ZNF534: variants seen among roughly 807,000 people sequenced by gnomAD.
ZNF534 encodes the protein KRAB domain only 3.
Under a neutral mutation model 13.6 loss-of-function variants are expected in ZNF534, and 19 were observed. The observed-to-expected ratio is 1.40, with a 90% CI of 0.97 to 2.05. The LOEUF is 2.05. Ranked by LOEUF, ZNF534 falls within the 30% of genes most tolerant of loss-of-function variation. The pLI, the probability that ZNF534 is intolerant of heterozygous loss-of-function variation, is 0.00. For missense variants in ZNF534, 782 were observed against 796.3 expected (o/e 0.98, Z 0.22); for synonymous variants, 244 against 273.8 (o/e 0.89, Z 1.07).
At chr19:52,433,585 C>G (rs2059106258) in intron 2 of ZNF534, among the ~76,000 whole-genome samples, 1 of 152,180 alleles carries the variant, frequency 6.6e-6, no homozygotes, top group Non-Finnish European at 1.5e-5. Flanking sequence ...CCAAGATGGT[C>G]TTGATCTCCT....
intron 4 of ZNF534, among the ~76,000 whole-genome samples, chr19:52,436,103 A>G (rs2059127420): frequency 6.6e-6 from 1 of 150,486 alleles, no homozygotes; most frequent in South Asian, 2.1e-4. Context: ...TGCCTGGCTA[A>G]TTTTTTTTGT....
chr19:52,430,845 C>CT (rs55783711), intron 1 of ZNF534, among the ~76,000 whole-genome samples: 39,094 of 144,086 alleles, frequency 0.27, 5,715 homozygotes, highest in African/African-American at 0.41. Context: ...CACACATGGC[C>CT]TTTTTTTTTT....
At chr19:52,442,751 C>T (rs972776136), downstream of ZNF534, among the ~76,000 whole-genome samples, 6 of 152,334 alleles carry the variant, frequency 3.9e-5, no homozygotes, top group East Asian at 1.2e-3. Flanking sequence ...AATAGGATGA[C>T]AGGGCTGATT....
In ZNF534 at chr19:52,439,400, C is replaced by G; in HGVS notation, c.1940C>G (p.Ser647Cys). The G allele has an allele frequency of 1.3e-6, 2 of 1,548,696 alleles. No individual in the cohort carries two copies. Among genetic ancestry groups the G allele is most frequent in the African/African-American group, 1.4e-5 (1 of 73,048 alleles). The change falls in exon 5 of 5, where the codon TCC (serine) becomes TGC (cysteine). Residue 647 changes from serine (S) to cysteine (C), a missense_variant. This residue lies in a region of ZNF534 where 60 missense variants were observed against 59.9 expected (regional missense o/e 1.00). Coordinates refer to ENST00000433050, the MANE Select transcript of ZNF534 (RefSeq NM_001143938.3). ...NECGKVFSKN[S>C]ILVQHCSIHT... ...TGTGGCAAGGTCTTTAGTAAAAATT[C>G]CATCCTAGTACAACATTGCAGTATT...
intron 2 of ZNF534, among the ~76,000 whole-genome samples, chr19:52,433,480 C>T (rs554540925): frequency 1.6e-4 from 25 of 152,194 alleles, no homozygotes; most frequent in Non-Finnish European, 3.2e-4. Context: ...CATTCTCCTG[C>T]CTCAGCCTCC....
intron 4 of ZNF534, among the ~76,000 whole-genome samples, chr19:52,449,803 C>G (rs938803065): frequency 6.6e-6 from 1 of 151,734 alleles, no homozygotes; most frequent in African/African-American, 2.4e-5. Flanking sequence ...AGGTGGATCA[C>G]GAGGTCAGGA....
intron 1 of ZNF534, among the ~76,000 whole-genome samples, 156 bp downstream of exon 1, chr19:52,429,400 T>C (rs1045469388): frequency 1.3e-5 from 2 of 152,196 alleles, no homozygotes; most frequent in African/African-American, 2.4e-5. Context: ...GGAGGTCGCT[T>C]ACCTGCGTGT....
At chr19:52,445,632 C>G (rs2059191825), downstream of ZNF534, among the ~76,000 whole-genome samples, 1 of 152,200 alleles carries the variant, frequency 6.6e-6, no homozygotes, top group Non-Finnish European at 1.5e-5. Flanking sequence ...TGGGCACTCA[C>G]AGTATTTGGG....
downstream of ZNF534, among the ~76,000 whole-genome samples, chr19:52,445,437 T>G (rs935091684): frequency 1.3e-5 from 2 of 152,234 alleles, no homozygotes; most frequent in Middle Eastern, 3.4e-3. Context: ...CCTCAAGTGA[T>G]CCACCTGCCT....
chr19:52,436,214 A>C, intron 4 of ZNF534, among the ~76,000 whole-genome samples: 1 of 152,096 alleles, frequency 6.6e-6, no homozygotes, highest in East Asian at 1.9e-4. Flanking sequence ...CTGGGATTAC[A>C]AGCATGAGTC....
rs137941088 is a variant in ZNF534, at chr19:52,433,588, G to C, written c.16-367G>C. On this transcript the variant is annotated intron_variant, in intron 2 of 4. Transcript: ENST00000433050. ...TCACCGTGTTGGCCAAGATGGTCTT[G>C]ATCTCCTGACCTCGTGATCCGACCG... Among the ~76,000 whole-genome samples the C allele has an allele frequency of 3.8e-3, 577 of 152,270 alleles. 4 individuals are homozygous for C. The highest frequency in any genetic ancestry group is 0.012 in the African/African-American group (497 of 41,556).
At chr19:52,451,269 C>A in exon 5 of ZNF534, 2 of 952,246 alleles carry the variant, frequency 2.1e-6, no homozygotes, top group Non-Finnish European at 3.3e-6. Flanking sequence ...AGCCAACCGG[C>A]CCAAACTTTG....
chr19:52,450,294 T>A (rs1415647719), intron 4 of ZNF534, among the ~76,000 whole-genome samples: 1 of 152,188 alleles, frequency 6.6e-6, no homozygotes, highest in African/African-American at 2.4e-5. Flanking sequence ...CTTATAGTTT[T>A]ATAGTTTCAG....
chr19:52,429,682 G>T (rs1425448405), intron 1 of ZNF534, among the ~76,000 whole-genome samples: 2 of 149,132 alleles, frequency 1.3e-5, no homozygotes, highest in Admixed American at 6.8e-5. Context: ...TGCAAACTCC[G>T]CCTCCCGGAT....
At chr19:52,449,255 T>C (rs935141084) in intron 4 of ZNF534, among the ~76,000 whole-genome samples, 1 of 152,192 alleles carries the variant, frequency 6.6e-6, no homozygotes, top group Non-Finnish European at 1.5e-5. Context: ...TTGTTCGTGA[T>C]GAAAATGTAA....
chr19:52,443,097 A>T (rs956365291), downstream of ZNF534, among the ~76,000 whole-genome samples: 5 of 152,208 alleles, frequency 3.3e-5, no homozygotes, highest in East Asian at 9.6e-4. Flanking sequence ...TTGAATAGCA[A>T]TAGTTCCTGT....
At position 52,434,018 on chromosome 19, in the gene ZNF534, C is replaced by G. The variant is rs148583667; in HGVS notation, c.79C>G (p.Pro27Ala). ...FSQEEWKCLD[P>A]GQKALYRDVM... ...TCAGGAGGAGTGGAAATGCCTGGAC[C>G]CTGGGCAGAAAGCTTTATACAGGGA... The change falls in exon 3 of 5, where the codon CCT (proline) becomes GCT (alanine). Residue 27 changes from proline (P) to alanine (A), a missense_variant. Physicochemically the swap from Pro to Ala is conservative, Grantham distance 27. This residue lies in a region of ZNF534 where 81 missense variants were observed against 63.5 expected (regional missense o/e 1.28). Transcript: ENST00000433050. 146 of 1,614,018 alleles carry G rather than the reference C, an allele frequency of 9.0e-5. No individual in the cohort carries two copies. The East Asian group carries it at 3.3e-3, about 36-fold the overall frequency.
At chr19:52,449,316 G>T (rs2059204715) in intron 4 of ZNF534, among the ~76,000 whole-genome samples, 1 of 151,940 alleles carries the variant, frequency 6.6e-6, no homozygotes, top group Non-Finnish European at 1.5e-5. Flanking sequence ...AAACATGGGT[G>T]TGCAGATATC....
intron 1 of ZNF534, 91 bp from the exon 2 acceptor site, chr19:52,431,317 A>G: frequency 1.1e-6 from 1 of 950,490 alleles, no homozygotes; most frequent in Non-Finnish European, 1.6e-6. Context: ...CCATCCTTCC[A>G]GAAGGTGAAG....
Sources: allele counts gnomAD v4.1 joint callset (sites outside exome capture counted in the v4.1 genomes callset), GRCh38; gene constraint gnomAD v4.1.1; regional missense constraint gnomAD v4.1.1; transcripts MANE v1.5; gene names NCBI Gene and HGNC (gene_info 2026-07-23, HGNC 2026-07-21).